The following PLXNA4 variants were observed in gnomAD, a reference collection of about 807,000 sequenced individuals.
The protein encoded by PLXNA4 is plexin A4.
PLXNA4 carries 44 observed loss-of-function variants against 191.8 expected under a neutral mutation model. The ratio of observed to expected loss-of-function variants is 0.23; its 90% confidence interval spans 0.18 to 0.29. The LOEUF is 0.29. Among genes scored for constraint, PLXNA4 ranks in the 10% least tolerant of loss-of-function variants. PLXNA4 has a pLI of 1.00. For synonymous variants in PLXNA4, 1,082 were observed against 1,009.5 expected, an observed-to-expected ratio of 1.07 and a Z score of -1.36; for missense variants, 1,800 against 2,488.8, an observed-to-expected ratio of 0.72 and a Z score of 5.89.
chr7:132,370,240 T>C (rs1563061607), intron 3 of PLXNA4, among the ~76,000 whole-genome samples: 1 of 152,150 alleles, frequency 6.6e-6, no homozygotes, highest in Admixed American at 6.5e-5. Flanking sequence ...CCCGAAATGC[T>C]GTTCTGGTGA....
intron 2 of PLXNA4, among the ~76,000 whole-genome samples, chr7:132,587,241 A>G (rs1802520497): frequency 6.6e-6 from 1 of 152,200 alleles, no homozygotes; most frequent in Non-Finnish European, 1.5e-5. Flanking sequence ...GGCTCAAGGG[A>G]ACATAACAGC....
At chr7:132,228,218 T>C in intron 6 of PLXNA4, 128 bp downstream of exon 6, 4 of 1,271,264 alleles carry the variant, frequency 3.1e-6, no homozygotes, top group Admixed American at 4.3e-5. Context: ...TGCACCCTTC[T>C]CTTGAGCTGC....
At chr7:132,564,300 C>T (rs1452672426) in intron 1 of PLXNA4, among the ~76,000 whole-genome samples, 2 of 142,792 alleles carry the variant, frequency 1.4e-5, no homozygotes, top group African/African-American at 5.2e-5. Flanking sequence ...TCTGCTGCTC[C>T]TCCTCCTCTC....
chr7:132,554,160 G>C (rs1585324378), intron 1 of PLXNA4, among the ~76,000 whole-genome samples: 1 of 152,296 alleles, frequency 6.6e-6, no homozygotes, highest in South Asian at 2.1e-4. Flanking sequence ...CTCAAGCAAT[G>C]GCACAGAATA....
At chr7:132,547,587 G>C (rs1800365197) in intron 1 of PLXNA4, among the ~76,000 whole-genome samples, 2 of 152,222 alleles carry the variant, frequency 1.3e-5, no homozygotes, top group South Asian at 4.2e-4. Context: ...CTCCTCCTGG[G>C]ATCTCCTGGT....
intron 6 of PLXNA4, among the ~76,000 whole-genome samples, 162 bp from the exon 7 acceptor site, chr7:132,227,766 A>T (rs1798378471): frequency 6.6e-6 from 1 of 152,200 alleles, no homozygotes. Context: ...TTATTAGGAG[A>T]GTGGCACAGA....
chr7:132,286,245 G>A, intron 4 of PLXNA4, among the ~76,000 whole-genome samples: 1 of 152,148 alleles, frequency 6.6e-6, no homozygotes, highest in Non-Finnish European at 1.5e-5. Flanking sequence ...TCTGTGTGGG[G>A]CATGCAGTGG....
chr7:132,499,190 T>C (rs1798148221), intron 2 of PLXNA4, among the ~76,000 whole-genome samples: 1 of 152,230 alleles, frequency 6.6e-6, no homozygotes, highest in Non-Finnish European at 1.5e-5. Flanking sequence ...CTCAGAATCC[T>C]AGGGGTTGAA....
chr7:132,497,300 T>C (rs1300462307), intron 2 of PLXNA4, among the ~76,000 whole-genome samples: 1 of 152,208 alleles, frequency 6.6e-6, no homozygotes, highest in Non-Finnish European at 1.5e-5. Flanking sequence ...AGCTCTGCAG[T>C]ACAGGGAGAT....
chr7:132,385,269 G>A lies in PLXNA4; in HGVS notation c.1372-87047C>T, dbSNP rs772285450. ...ATCGGGGTCCCGTCTGTAGCTCAAG[G>A]GTAGGGCAGAGGCTGGTACCAGGCA... On this transcript the variant is annotated intron_variant, in intron 3 of 31. Coordinates refer to ENST00000321063, the MANE Select transcript of PLXNA4 (RefSeq NM_020911.2). 32 of 1,613,784 alleles carry A rather than the reference G, an allele frequency of 2.0e-5. 1 individual carries two copies. Among genetic ancestry groups the A allele is most frequent in the Admixed American group, 3.3e-5 (2 of 59,976 alleles).
In PLXNA4 at chr7:132,226,148, TG is replaced by T. The variant is rs1798315266; in HGVS notation, c.1982+12del. On this transcript the variant is annotated intron_variant, in intron 8 of 31. Transcript: ENST00000321063. ...CCCAGGAACGGGAAGTGGGTAAGGC[TG>T]GGGCCACTTACGAATTGTGGACGCT... The T allele has an allele frequency of 1.2e-6, 2 of 1,610,038 alleles. No homozygotes were observed. Among genetic ancestry groups the T allele is most frequent in the African/African-American group, 2.7e-5 (2 of 74,844 alleles).
intron 2 of PLXNA4, among the ~76,000 whole-genome samples, chr7:132,583,823 C>T (rs1802455232): frequency 6.6e-6 from 1 of 152,132 alleles, no homozygotes; most frequent in African/African-American, 2.4e-5. Context: ...GTGAGATGTC[C>T]CTTGTGGAGT....
Position 132,194,068 on chromosome 7 carries a change from G to A in PLXNA4, c.2850C>T (p.Tyr950=), listed in dbSNP as rs1490890189. Residue 950 remains tyrosine (Y), a synonymous_variant, in exon 14 of 32, where the codon TAC becomes TAT. Transcript: ENST00000321063. ...EFMARSSQLY[Y]FMTLTLSDLK... ...ACTGCTGGCCAAGACTCACCATGAA[G>A]TAATAGAGCTGTGAGGACCGGGCCA... 5.0e-6 allele frequency: 8 copies of A among 1,613,780 alleles called. No homozygotes were observed. Among genetic ancestry groups the A allele is most frequent in the Admixed American group, 1.7e-5 (1 of 60,004 alleles).
intron 4 of PLXNA4, among the ~76,000 whole-genome samples, chr7:132,243,487 C>T (rs1798949085): frequency 6.6e-6 from 1 of 152,190 alleles, no homozygotes; most frequent in Non-Finnish European, 1.5e-5. Context: ...TCTCAAAAAC[C>T]TTTGCATTCA....
At chr7:132,165,733 C>A (rs12534587) in intron 22 of PLXNA4, among the ~76,000 whole-genome samples, 12,890 of 143,088 alleles carry the variant, frequency 0.09, 906 homozygotes, top group South Asian at 0.27. Flanking sequence ...AAAAAAATCC[C>A]AAATCCTGGG....
In PLXNA4 at chr7:132,228,367, G is replaced by A. The variant is rs757824123; in HGVS notation, c.1707C>T (p.Ser569=). ...TTACCAGCACGTTGTACTGAGAGAC[G>A]GAGATATTGTTGGGATGGACCGTCA... ...VRLTVHPNNI[S]VSQYNVLLVL... Residue 569 remains serine (S), a synonymous_variant, in exon 6 of 32, where the codon TCC becomes TCT. Transcript: ENST00000321063. 34 of 1,613,948 alleles carry A rather than the reference G, an allele frequency of 2.1e-5. 1 individual carries two copies. The highest frequency in any genetic ancestry group is 2.5e-5 in the Non-Finnish European group (29 of 1,180,028).
chr7:132,584,111 A>G (rs1366381656), intron 2 of PLXNA4, among the ~76,000 whole-genome samples: 1 of 152,232 alleles, frequency 6.6e-6, no homozygotes, highest in Non-Finnish European at 1.5e-5. Flanking sequence ...AGGTCAGCCC[A>G]GGCCTGCCCA....
At chr7:132,597,557 T>C (rs994687554) in intron 2 of PLXNA4, among the ~76,000 whole-genome samples, 3 of 150,706 alleles carry the variant, frequency 2.0e-5, no homozygotes, top group Non-Finnish European at 4.4e-5. Flanking sequence ...CATTCAATCA[T>C]GCATCGTCTC....
At chr7:132,168,665 C>A (rs1796194677) in intron 21 of PLXNA4, 93 bp from the exon 22 acceptor site, 24 of 1,452,534 alleles carry the variant, frequency 1.7e-5, no homozygotes, top group Non-Finnish European at 2.0e-5. Context: ...CCATGACCCT[C>A]TCATCCACCA....
Sources: allele counts gnomAD v4.1 joint callset (sites outside exome capture counted in the v4.1 genomes callset), GRCh38; gene constraint gnomAD v4.1.1; transcripts MANE v1.5; gene names NCBI Gene and HGNC (gene_info 2026-07-23, HGNC 2026-07-21).